Variants in HDAC4 observed in about 807,000 individuals in gnomAD.
HDAC4 encodes the protein histone deacetylase A.
A neutral mutation model predicts 135.1 loss-of-function variants in HDAC4; 16 were observed. That is an observed-to-expected ratio of 0.12 (90% CI 0.08 to 0.18). The LOEUF (loss-of-function observed/expected upper bound fraction) is 0.18. HDAC4 is among the 10% of genes least tolerant of loss of function. The pLI is 1.00. For synonymous variants in HDAC4, 685 were observed against 653.4 expected (o/e 1.05, Z -0.74); for missense variants, 1,143 against 1,511.8 (o/e 0.76, Z 4.05).
chr2:239,058,646 A>T (rs532166729), intron 24 of HDAC4, among the ~76,000 whole-genome samples: 11 of 152,380 alleles, frequency 7.2e-5, no homozygotes, highest in Admixed American at 2.6e-4. Context: ...GGTTATTGTG[A>T]TAAGACTTCA....
intron 6 of HDAC4, among the ~76,000 whole-genome samples, chr2:239,160,105 A>C (rs562042270): frequency 1.3e-5 from 2 of 152,280 alleles, no homozygotes; most frequent in Non-Finnish European, 2.9e-5. Flanking sequence ...ATACTCCAGC[A>C]GAAATGTACC....
At chr2:239,244,152 T>C (rs909917907) in intron 2 of HDAC4, among the ~76,000 whole-genome samples, 21 of 152,154 alleles carry the variant, frequency 1.4e-4, no homozygotes, top group African/African-American at 4.1e-4. Context: ...CCGAACTTCA[T>C]GGGCAACGGC....
chr2:239,090,301 C>G (rs762468239), intron 17 of HDAC4, among the ~76,000 whole-genome samples, 185 bp from the exon 18 acceptor site: 7 of 152,188 alleles, frequency 4.6e-5, no homozygotes, highest in African/African-American at 7.2e-5. Context: ...AAAGTTTAAA[C>G]AGGAAAATAC....
Position 239,210,908 on chromosome 2 carries a change from C to T in HDAC4, c.95-20831G>A, listed in dbSNP as rs183659784. Among the ~76,000 whole-genome samples the T allele has an allele frequency of 5.0e-4, 76 of 152,304 alleles. 1 individual carries two copies. Among genetic ancestry groups the T allele is most frequent in the African/African-American group, 1.6e-3 (68 of 41,562 alleles). On this transcript the variant is annotated intron_variant, in intron 3 of 26. Transcript: ENST00000543185. ...CAAGGACGAAAAAGCACTATTCCTT[C>T]GCCGGCCAACTCTTAAAGGGGATTT...
chr2:239,087,468 T>C (rs2036087335), intron 19 of HDAC4, 91 bp downstream of exon 19: 2 of 1,284,222 alleles, frequency 1.6e-6, no homozygotes, highest in Non-Finnish European at 2.2e-6. Flanking sequence ...GCAGCCCAGC[T>C]CCCCGCAGTC....
At chr2:239,155,255 G>A (rs1050625550) in intron 7 of HDAC4, among the ~76,000 whole-genome samples, 1 of 150,736 alleles carries the variant, frequency 6.6e-6, no homozygotes, top group African/African-American at 2.5e-5. Context: ...GAACATGGCC[G>A]GCCTGATATG....
chr2:239,120,393 A>ACG lies in HDAC4; in HGVS notation c.1534-5085_1534-5084dup, dbSNP rs1363579030. ...CATATACCCGCAGAGGCACACACAG[A>ACG]CGCACACAGACACACACACACAGAC... is the stretch of plus-strand genomic sequence containing the variant. On this transcript the variant is annotated intron_variant, in intron 12 of 26. Transcript: ENST00000543185. Among the ~76,000 whole-genome samples, 12 of 147,580 alleles carry ACG rather than the reference A, an allele frequency of 8.1e-5. No homozygotes were observed. The South Asian group carries it at 1.6e-3, about 19-fold the overall frequency.
chr2:239,232,171 T>C (rs2153166757), intron 3 of HDAC4, among the ~76,000 whole-genome samples: 1 of 152,378 alleles, frequency 6.6e-6, no homozygotes, highest in South Asian at 2.1e-4. Context: ...GTGATTTTTT[T>C]CTACAATAAA....
intron 2 of HDAC4, among the ~76,000 whole-genome samples, chr2:239,274,925 T>C (rs1476836305): frequency 6.6e-6 from 1 of 152,210 alleles, no homozygotes; most frequent in African/African-American, 2.4e-5. Flanking sequence ...ACATCTCTTT[T>C]TAATTAAGGC....
At position 239,072,714 on chromosome 2, in the gene HDAC4, T is replaced by A. The variant is rs185953371; in HGVS notation, c.2751-4107A>T. Among the ~76,000 whole-genome samples the A allele has an allele frequency of 7.8e-3, 1,187 of 152,368 alleles. 13 individuals are homozygous for A. The highest frequency in any genetic ancestry group is 9.6e-3 in the Non-Finnish European group (653 of 68,038). ...CTAAAACTTTTTCATTCAGCTTTTATTACAAATGAAATTCCCCACTGATGT... is the reference window on the plus strand; with the variant it reads ...CTAAAACTTTTTCATTCAGCTTTTAATACAAATGAAATTCCCCACTGATGT... On this transcript the variant is annotated intron_variant, in intron 22 of 26. Coordinates refer to ENST00000543185, the MANE Select transcript of HDAC4 (RefSeq NM_001378414.1).
chr2:239,350,749 A>G (rs1693089761), intron 2 of HDAC4, among the ~76,000 whole-genome samples: 1 of 152,130 alleles, frequency 6.6e-6, no homozygotes, highest in African/African-American at 2.4e-5. Context: ...TGATCTGCCC[A>G]CCCTGACCTT....
chr2:239,218,755 C>T (rs1429805063), intron 3 of HDAC4, among the ~76,000 whole-genome samples: 10 of 134,412 alleles, frequency 7.4e-5, no homozygotes, highest in African/African-American at 2.8e-4. Flanking sequence ...CTACAATGAA[C>T]TCAAACAAAT....
At chr2:239,353,005 C>A in intron 1 of HDAC4, 87 bp from the exon 2 acceptor site, 1 of 411,548 alleles carries the variant, frequency 2.4e-6, no homozygotes. Context: ...GAAATGATGA[C>A]TTCCTCTTTT....
At chr2:239,327,585 C>G (rs2053507743) in intron 2 of HDAC4, among the ~76,000 whole-genome samples, 2 of 152,228 alleles carry the variant, frequency 1.3e-5, no homozygotes, top group Admixed American at 6.5e-5. Context: ...AGGCAGAAAA[C>G]AAGTCGAAAC....
At chr2:239,276,754 G>A (rs2050392741) in intron 2 of HDAC4, among the ~76,000 whole-genome samples, 1 of 152,250 alleles carries the variant, frequency 6.6e-6, no homozygotes. Flanking sequence ...GCCGGCTGCA[G>A]AGGCCAGCAG....
chr2:239,144,796 G>A lies in HDAC4; in HGVS notation c.734-82C>T, dbSNP rs569497865. 48 of 1,397,726 alleles carry A rather than the reference G, an allele frequency of 3.4e-5. 1 individual carries two copies. Among genetic ancestry groups the A allele is most frequent in the Admixed American group, 5.1e-5 (3 of 58,854 alleles). The allele number at this position is 1,397,726 out of a possible 1,614,324, so 86.6% of individuals were successfully genotyped here. The stretch of plus-strand genomic sequence containing the variant: ...CCTGTTGGTGGTTTTTTAAAAATAC[G>A]CACTCTGGTGAGTAAATATTTGCTC... On this transcript the variant is annotated intron_variant, in intron 7 of 26. Transcript: ENST00000543185.
chr2:239,370,959 CCCTCTG>C (rs1158643976), intron 1 of HDAC4, among the ~76,000 whole-genome samples: 1 of 149,458 alleles, frequency 6.7e-6, no homozygotes, highest in Non-Finnish European at 1.5e-5. Flanking sequence ...ATTGCTCTAA[CCCTCTG>C]CCCTTTGGAG....
At chr2:239,281,333 C>T (rs1317011104) in intron 2 of HDAC4, among the ~76,000 whole-genome samples, 1 of 102,250 alleles carries the variant, frequency 9.8e-6, no homozygotes, top group African/African-American at 3.2e-5. Context: ...CACCACTCTG[C>T]AAACAATGTA....
chr2:239,167,331 C>G lies in HDAC4; in HGVS notation c.491-3408G>C, dbSNP rs1022909336. ...TGCTTCTGCAAACACCATTCGGTGGCAAAGGGTGACTTGGCCACAAGCCTG... is the reference window on the plus strand; with the variant it reads ...TGCTTCTGCAAACACCATTCGGTGGGAAAGGGTGACTTGGCCACAAGCCTG... On this transcript the variant is annotated intron_variant, in intron 5 of 26. Coordinates refer to ENST00000543185, the MANE Select transcript of HDAC4 (RefSeq NM_001378414.1). The surrounding 1 kb of genome is among the most constrained non-coding windows in gnomAD (Gnocchi z 4.1). Among the ~76,000 whole-genome samples the G allele has an allele frequency of 5.3e-5, 8 of 152,182 alleles. No homozygotes were observed. The highest frequency in any genetic ancestry group is 1.9e-4 in the African/African-American group (8 of 41,446).
Sources: allele counts gnomAD v4.1 joint callset (sites outside exome capture counted in the v4.1 genomes callset), GRCh38; gene constraint gnomAD v4.1.1; non-coding constraint Gnocchi (gnomAD v3.1); transcripts MANE v1.5; gene names NCBI Gene and HGNC (gene_info 2026-07-23, HGNC 2026-07-21).